Variants in SNAP91 observed in about 807,000 individuals in gnomAD.
SNAP91 encodes the protein clathrin coat assembly protein AP180.
In SNAP91, 27 loss-of-function variants were observed where a neutral mutation model predicts 100.3. The observed-to-expected ratio is 0.27, with a 90% CI of 0.20 to 0.37. The LOEUF is 0.37. SNAP91 is among the 10% of genes least tolerant of loss of function. The pLI is 1.00. For synonymous variants in SNAP91, 404 were observed against 398.6 expected (o/e 1.01, Z -0.16); for missense variants, 986 against 1,123.7 (o/e 0.88, Z 1.75).
At chr6:83,634,114 A>T (rs181986327) in intron 8 of SNAP91, among the ~76,000 whole-genome samples, 126 of 151,892 alleles carry the variant, frequency 8.3e-4, no homozygotes, top group African/African-American at 2.8e-3. Flanking sequence ...TAATAAAATT[A>T]AAAAAAAATT....
chr6:83,622,450 A>AG (rs1389524077), intron 9 of SNAP91, among the ~76,000 whole-genome samples: 1 of 48,280 alleles, frequency 2.1e-5, no homozygotes, highest in Non-Finnish European at 3.7e-5. Context: ...TCATTATGAC[A>AG]ATTTTTTCTA....
At chr6:83,695,942 G>A (rs558450825) in intron 2 of SNAP91, among the ~76,000 whole-genome samples, 1 of 127,646 alleles carries the variant, frequency 7.8e-6, no homozygotes, top group South Asian at 2.9e-4. Flanking sequence ...TTGTGGGGAG[G>A]GGGGTGGGAA....
intron 24 of SNAP91, among the ~76,000 whole-genome samples, chr6:83,576,772 CAT>C (rs1347286962): frequency 1.3e-5 from 2 of 152,322 alleles, no homozygotes; most frequent in South Asian, 2.1e-4. Context: ...TGCTGAGTCC[CAT>C]GTGTCCTTCT....
Position 83,580,720 on chromosome 6 carries a change from A to C in SNAP91, c.2150-121T>G, listed in dbSNP as rs910112227. ...AGTGAATATAAAATCTTATAAAAGA[A>C]GGCAAGTAATTCACACTTTTCATGA... On this transcript the variant is annotated intron_variant, in intron 23 of 29. Coordinates refer to ENST00000369694, the MANE Select transcript of SNAP91 (RefSeq NM_001242792.2). 6 of 936,904 alleles carry C rather than the reference A, an allele frequency of 6.4e-6. 1 individual carries two copies. The highest frequency in any genetic ancestry group is 6.2e-6 in the Non-Finnish European group (4 of 648,398). 58.0% of individuals were successfully genotyped at this position (936,904 alleles called of 1,614,324 possible). A position where few individuals can be genotyped will look rare whatever the true frequency, so the allele number is the denominator to read the frequency against.
At chr6:83,704,142 C>T (rs893925701) in intron 2 of SNAP91, among the ~76,000 whole-genome samples, 2 of 152,066 alleles carry the variant, frequency 1.3e-5, no homozygotes, top group African/African-American at 2.4e-5. Context: ...ACAGACAACA[C>T]TGAAGTGTCA....
intron 16 of SNAP91, among the ~76,000 whole-genome samples, chr6:83,597,093 T>C (rs186418096): frequency 6.6e-6 from 1 of 152,262 alleles, no homozygotes; most frequent in African/African-American, 2.4e-5. Flanking sequence ...TTAATTCTTC[T>C]CTTGTTACTT....
chr6:83,583,369 T>G lies in SNAP91; in HGVS notation c.2015-1013A>C, dbSNP rs574242105. 7.4e-4 allele frequency among the ~76,000 whole-genome samples: 113 copies of G among 152,322 alleles called. 2 individuals are homozygous for G. In the South Asian group the frequency reaches 0.022, roughly 29 times the overall value. The stretch of plus-strand genomic sequence containing the variant: ...TTCCACTAATATCCTGCACAGTGCC[T>G]AAAACACTGAATTAATGTTTATTAA... On this transcript the variant is annotated intron_variant, in intron 22 of 29. Coordinates refer to ENST00000369694, the MANE Select transcript of SNAP91 (RefSeq NM_001242792.2).
intron 14 of SNAP91, 86 bp from the exon 15 acceptor site, chr6:83,601,685 A>C (rs2095245335): frequency 1.5e-6 from 2 of 1,292,386 alleles, no homozygotes; most frequent in Admixed American, 3.7e-5. Context: ...AAGCCAGATA[A>C]GGCACTAACT....
intron 27 of SNAP91, 124 bp downstream of exon 27, chr6:83,560,740 C>A: frequency 1.2e-6 from 1 of 807,370 alleles, no homozygotes; most frequent in South Asian, 1.6e-5. Context: ...CAGATGACAA[C>A]TTTTTAAGTT....
At chr6:83,618,581 GAATA>G (rs1445720227) in intron 9 of SNAP91, among the ~76,000 whole-genome samples, 1 of 151,754 alleles carries the variant, frequency 6.6e-6, no homozygotes, top group Admixed American at 6.6e-5. Flanking sequence ...AATGCTCATT[GAATA>G]AAGAATGTAC....
intron 3 of SNAP91, 127 bp from the exon 4 acceptor site, chr6:83,662,549 T>G (rs1479021180): frequency 1.9e-5 from 7 of 373,894 alleles, no homozygotes; most frequent in Non-Finnish European, 3.4e-5. Flanking sequence ...TTATAAAGTT[T>G]CCTAGAATGC....
intron 13 of SNAP91, among the ~76,000 whole-genome samples, chr6:83,606,072 T>C (rs993308834): frequency 1.6e-4 from 24 of 152,298 alleles, no homozygotes; most frequent in Admixed American, 1.1e-3. Context: ...AATTAAGACA[T>C]AGACAATACA....
intron 2 of SNAP91, among the ~76,000 whole-genome samples, chr6:83,678,414 G>A (rs920930711): frequency 1.3e-5 from 2 of 151,884 alleles, no homozygotes; most frequent in South Asian, 2.1e-4. Flanking sequence ...AATACTTCCT[G>A]GTAGAGTGCT....
intron 2 of SNAP91, among the ~76,000 whole-genome samples, chr6:83,675,827 A>AACACACACACACACACACACACAC (rs373927158): frequency 4.6e-4 from 63 of 138,284 alleles, no homozygotes; most frequent in African/African-American, 5.7e-4. Context: ...CACTTGAAGG[A>AACACACACACACACACACACACAC]ACACACACAC....
At position 83,678,447 on chromosome 6, in the gene SNAP91, G is replaced by A. The variant is rs192631400; in HGVS notation, c.131-12866C>T. Among the ~76,000 whole-genome samples, 856 of 152,062 alleles carry A rather than the reference G, an allele frequency of 5.6e-3. 5 individuals carry two copies. The highest frequency in any genetic ancestry group is 0.019 in the African/African-American group (805 of 41,478). The stretch of plus-strand genomic sequence containing the variant: ...GCTCTCGAGCCATAAAAAAAACAGC[G>A]TTTCATAAATGGGACTCAAAAAGCA... On this transcript the variant is annotated intron_variant, in intron 2 of 29. Transcript: ENST00000369694.
At chr6:83,621,450 A>G (rs895972984) in intron 9 of SNAP91, among the ~76,000 whole-genome samples, 3 of 152,158 alleles carry the variant, frequency 2.0e-5, no homozygotes, top group Non-Finnish European at 4.4e-5. Context: ...TAGCTTTCTA[A>G]CAGACCCAGG....
intron 7 of SNAP91, among the ~76,000 whole-genome samples, chr6:83,646,413 T>C: frequency 6.6e-6 from 1 of 152,332 alleles, no homozygotes; most frequent in East Asian, 1.9e-4. Flanking sequence ...GGGTATAAGG[T>C]CTGTGTCCAG....
At chr6:83,673,292 G>A (rs370257832) in intron 2 of SNAP91, among the ~76,000 whole-genome samples, 2 of 152,118 alleles carry the variant, frequency 1.3e-5, no homozygotes, top group African/African-American at 4.8e-5. Context: ...TATGTCATGA[G>A]AGTAGAGGCC....
intron 2 of SNAP91, among the ~76,000 whole-genome samples, chr6:83,705,164 A>G (rs1249478695): frequency 6.6e-6 from 1 of 152,214 alleles, no homozygotes; most frequent in Non-Finnish European, 1.5e-5. Context: ...GTTGGTTTTA[A>G]GTAGAAGATG....
Sources: allele counts gnomAD v4.1 joint callset (sites outside exome capture counted in the v4.1 genomes callset), GRCh38; gene constraint gnomAD v4.1.1; transcripts MANE v1.5; gene names NCBI Gene and HGNC (gene_info 2026-07-23, HGNC 2026-07-21).